ADD3: variants seen among roughly 807,000 people sequenced by gnomAD.
ADD3 encodes gamma-adducin.
Under a neutral mutation model 80.2 loss-of-function variants are expected in ADD3, and 25 were observed. The observed-to-expected ratio is 0.31, with a 90% CI of 0.23 to 0.44. The LOEUF (loss-of-function observed/expected upper bound fraction) is 0.44, where lower values mean the gene tolerates loss of function less well. Among genes scored for constraint, ADD3 ranks in the 20% least tolerant of loss-of-function variants. ADD3 has a pLI of 1.00. For missense variants in ADD3, 829 were observed against 847.5 expected, an observed-to-expected ratio of 0.98 and a Z score of 0.27; for synonymous variants, 284 against 289.6, an observed-to-expected ratio of 0.98 and a Z score of 0.20.
chr10:110,116,315 G>T lies in ADD3; in HGVS notation c.391G>T (p.Val131Leu). The change falls in exon 4 of 15, where the codon GTG (valine) becomes TTG (leucine). Residue 131 changes from valine to leucine, a missense_variant. Coordinates refer to ENST00000356080, the MANE Select transcript of ADD3 (RefSeq NM_016824.5). ...DLPGADTSSY[V>L]KGEKLTRCKL... is the part of the protein sequence containing the mutation. ...TCCTGGTGCAGATACATCCTCATAT[G>T]TGAAGGGAGAAAAACTTACTCGCTG... 1.9e-6 allele frequency: 3 copies of T among 1,614,094 alleles called. No individual in the cohort carries two copies. The highest frequency in any genetic ancestry group is 1.7e-6 in the Non-Finnish European group (2 of 1,179,996).
Position 110,135,418 on chromosome 10 carries a change from C to G in ADD3, c.*1800C>G, listed in dbSNP as rs1016266381. ...TAACAGTGAACTATTGCACCTTTTG[C>G]TAATGCCTCTATTTACTTGCTTTGG... On this transcript the variant is annotated 3_prime_UTR_variant, in exon 15 of 15. Transcript: ENST00000356080. The G allele has an allele frequency of 6.6e-6, 1 of 152,570 alleles. No individual in the cohort carries two copies. Among genetic ancestry groups the G allele is most frequent in the African/African-American group, 2.4e-5 (1 of 41,424 alleles). The allele number at this position is 152,570 out of a possible 1,614,324, so 9.5% of individuals were successfully genotyped here.
chr10:110,049,563 A>G (rs1857265260), intron 1 of ADD3, among the ~76,000 whole-genome samples: 1 of 152,160 alleles, frequency 6.6e-6, no homozygotes, highest in Non-Finnish European at 1.5e-5. Context: ...TGAGACATGG[A>G]GTCAAAGGAG....
intron 2 of ADD3, among the ~76,000 whole-genome samples, chr10:110,101,777 A>T (rs1055245654): frequency 6.6e-5 from 10 of 152,224 alleles, no homozygotes; most frequent in Admixed American, 6.5e-4. Context: ...GGAAAATGAG[A>T]GAACAGCTTG....
chr10:110,121,963 A>G, intron 8 of ADD3, 147 bp from the exon 9 acceptor site: 1 of 586,818 alleles, frequency 1.7e-6, no homozygotes, highest in Non-Finnish European at 2.8e-6. Context: ...GTCTGCTGGC[A>G]CAAGAGTGTC....
In ADD3 at chr10:110,049,379, C is replaced by T. The variant is rs149335718; in HGVS notation, c.-30+41080C>T. 8.8e-3 allele frequency among the ~76,000 whole-genome samples: 1,337 copies of T among 152,284 alleles called. 9 individuals carry two copies. Among genetic ancestry groups the T allele is most frequent in the Non-Finnish European group, 0.013 (885 of 68,002 alleles). On this transcript the variant is annotated intron_variant, in intron 1 of 14. Transcript: ENST00000356080. ...GAGCTGTGAGAAGAGGGCCACTGTC[C>T]TCTAGACCCCAGAATGGTAGATCCA...
At chr10:110,075,045 A>T (rs1305337880) in intron 1 of ADD3, among the ~76,000 whole-genome samples, 2 of 152,198 alleles carry the variant, frequency 1.3e-5, no homozygotes, top group Non-Finnish European at 2.9e-5. Flanking sequence ...TTGTGGTGGA[A>T]GCATTGGTTC....
At chr10:110,069,397 A>G (rs1844395645) in intron 1 of ADD3, among the ~76,000 whole-genome samples, 1 of 152,214 alleles carries the variant, frequency 6.6e-6, no homozygotes, top group African/African-American at 2.4e-5. Context: ...AATTTAACAT[A>G]TCATCCCTTT....
intron 2 of ADD3, 89 bp downstream of exon 2, chr10:110,100,937 T>C: frequency 8.1e-7 from 1 of 1,230,386 alleles, no homozygotes; most frequent in Non-Finnish European, 1.1e-6. Flanking sequence ...ACCCTCAGGT[T>C]AAAAGAGGGG....
chr10:110,109,576 G>T (rs1335314142), intron 2 of ADD3, among the ~76,000 whole-genome samples: 1 of 152,030 alleles, frequency 6.6e-6, no homozygotes, highest in African/African-American at 2.4e-5. Context: ...ACACATAGTA[G>T]GTATCATTAA....
chr10:110,023,186 G>A (rs767922374), intron 1 of ADD3, among the ~76,000 whole-genome samples: 2 of 152,054 alleles, frequency 1.3e-5, no homozygotes, highest in South Asian at 2.1e-4. Flanking sequence ...GGTGTGTGAT[G>A]GTATTTGGAG....
intron 1 of ADD3, among the ~76,000 whole-genome samples, chr10:110,048,507 G>A (rs1447172989): frequency 2.0e-5 from 3 of 152,200 alleles, no homozygotes; most frequent in African/African-American, 7.2e-5. Flanking sequence ...TGACCAAAAT[G>A]CTGACAATCA....
chr10:110,037,003 A>G (rs983964967), intron 1 of ADD3, among the ~76,000 whole-genome samples: 31 of 152,286 alleles, frequency 2.0e-4, no homozygotes, highest in African/African-American at 7.2e-4. Context: ...GTCAGGTTCT[A>G]ATTTCTGAGG....
chr10:110,067,975 T>C (rs1182120653), intron 1 of ADD3, among the ~76,000 whole-genome samples: 3 of 152,200 alleles, frequency 2.0e-5, no homozygotes, highest in African/African-American at 7.2e-5. Context: ...TTCTCTATAC[T>C]GGAAAAACAC....
intron 2 of ADD3, chr10:110,112,086 C>T (rs1850101076): frequency 6.6e-6 from 1 of 151,856 alleles, no homozygotes; most frequent in Non-Finnish European, 1.5e-5. Context: ...TTGAATCACT[C>T]TGTATTCAAA....
rs1853363871 is a variant in ADD3 at position 110,133,711 on chromosome 10, A to G, written c.*93A>G. On this transcript the variant is annotated 3_prime_UTR_variant, in exon 15 of 15. Transcript: ENST00000356080. ...GATCATTAATATGCAATGGTAGATC[A>G]GATTGGGGGATGTAGCAAACTGGAC... 11 of 1,079,578 alleles carry G rather than the reference A, an allele frequency of 1.0e-5. No homozygotes were observed. Among genetic ancestry groups the G allele is most frequent in the Non-Finnish European group, 1.4e-5 (11 of 797,564 alleles). 66.9% of individuals were successfully genotyped at this position (1,079,578 alleles called of 1,614,324 possible). A position where few individuals can be genotyped will look rare whatever the true frequency, so the allele number is the denominator to read the frequency against.
At chr10:110,126,579 T>TAAA in intron 12 of ADD3, 76 bp downstream of exon 12, 2 of 1,053,344 alleles carry the variant, frequency 1.9e-6, no homozygotes, top group South Asian at 1.4e-5. Context: ...TATGAATATT[T>TAAA]ATTTTTACTA....
At chr10:110,107,076 T>C (rs764489378) in intron 2 of ADD3, among the ~76,000 whole-genome samples, 10 of 152,098 alleles carry the variant, frequency 6.6e-5, no homozygotes, top group Non-Finnish European at 1.5e-4. Context: ...ACTCTTAACT[T>C]AGTATTAATT....
chr10:110,081,043 A>G (rs139621756), intron 1 of ADD3, among the ~76,000 whole-genome samples: 43 of 152,324 alleles, frequency 2.8e-4, no homozygotes, highest in South Asian at 8.3e-4. Flanking sequence ...AAGGACTTCA[A>G]TTGATTTGTG....
At chr10:110,047,544 A>G (rs564361916) in intron 1 of ADD3, among the ~76,000 whole-genome samples, 3 of 152,224 alleles carry the variant, frequency 2.0e-5, no homozygotes, top group African/African-American at 2.4e-5. Context: ...TAATTTTTTA[A>G]TGTATCCCTG....
Sources: gnomAD v4.1 joint callset for allele counts (sites outside exome capture counted in the v4.1 genomes callset) on GRCh38, gnomAD v4.1.1 for gene constraint, MANE v1.5 for transcripts, NCBI Gene and HGNC (gene_info 2026-07-23, HGNC 2026-07-21) for gene names.